Variants in ANK2 observed in about 807,000 individuals in gnomAD.
ANK2 encodes ankyrin 2.
A neutral mutation model predicts 360.5 loss-of-function variants in ANK2; 83 were observed. That is an observed-to-expected ratio of 0.23 (90% CI 0.19 to 0.28). The LOEUF is 0.28. ANK2 is among the 10% of genes least tolerant of loss of function. The pLI, the probability that ANK2 is intolerant of heterozygous loss-of-function variation, is 1.00. For synonymous variants in ANK2, 1,740 were observed against 1,759.5 expected, an observed-to-expected ratio of 0.99 and a Z score of 0.28; for missense variants, 4,201 against 4,795.7, an observed-to-expected ratio of 0.88 and a Z score of 3.66.
rs180930664 is a variant in ANK2, at chr4:113,268,528, C to A, written c.1485+3533C>A. 3.4e-3 allele frequency among the ~76,000 whole-genome samples: 522 copies of A among 152,234 alleles called. 4 individuals are homozygous for A. Among genetic ancestry groups the A allele is most frequent in the African/African-American group, 0.012 (491 of 41,534 alleles). The stretch of plus-strand genomic sequence containing the variant: ...TATCGTGTAGTTTTTGTCATTGGTT[C>A]TGTTTATGTGATGGGTTACATTTAT... On this transcript the variant is annotated intron_variant, in intron 14 of 45. Coordinates refer to ENST00000357077, the MANE Select transcript of ANK2 (RefSeq NM_001148.6).
chr4:112,940,229 C>T (rs1293328314), intron 2 of ANK2, among the ~76,000 whole-genome samples: 2 of 152,094 alleles, frequency 1.3e-5, no homozygotes, highest in African/African-American at 4.8e-5. Context: ...TATTTATTTG[C>T]CTAGTAGGCC....
intron 1 of ANK2, among the ~76,000 whole-genome samples, chr4:112,844,746 G>T (rs536614581): frequency 1.3e-5 from 2 of 152,302 alleles, no homozygotes; most frequent in African/African-American, 4.8e-5. Context: ...TGCATCTGTA[G>T]GGGGAGGACA....
upstream of ANK2, among the ~76,000 whole-genome samples, chr4:112,814,843 A>G (rs1550952): frequency 0.58 from 88,809 of 151,884 alleles, 26,920 homozygotes; most frequent in East Asian, 0.93. Flanking sequence ...ACAATTTGTC[A>G]GTGAGGCCAC....
At chr4:113,078,539 C>G (rs1050580653) in intron 1 of ANK2, among the ~76,000 whole-genome samples, 1 of 152,124 alleles carries the variant, frequency 6.6e-6, no homozygotes, top group African/African-American at 2.4e-5. Flanking sequence ...CAAAATTAAC[C>G]TGAAATCTCA....
At position 113,168,167 on chromosome 4, in the gene ANK2, T is replaced by A. The variant is rs548497729; in HGVS notation, c.85-6249T>A. On this transcript the variant is annotated intron_variant, in intron 1 of 45. Coordinates refer to ENST00000357077, the MANE Select transcript of ANK2 (RefSeq NM_001148.6). ...TAGCTAGTGTGCTAGCAAAAATTAGTGTTAAAATGTAATACTAAGTTAAAG... is the reference window on the plus strand; with the variant it reads ...TAGCTAGTGTGCTAGCAAAAATTAGAGTTAAAATGTAATACTAAGTTAAAG... Among the ~76,000 whole-genome samples the A allele has an allele frequency of 7.9e-5, 12 of 152,286 alleles. No individual in the cohort carries two copies. In the South Asian group the frequency reaches 2.1e-3, roughly 26 times the overall value.
intron 1 of ANK2, among the ~76,000 whole-genome samples, chr4:112,824,135 G>A (rs2057822932): frequency 7.7e-6 from 1 of 130,028 alleles, no homozygotes; most frequent in Non-Finnish European, 1.6e-5. Flanking sequence ...TAGGTCTTCA[G>A]CATCTATCTA....
At chr4:112,826,031 T>C (rs2058342509) in intron 1 of ANK2, among the ~76,000 whole-genome samples, 1 of 152,218 alleles carries the variant, frequency 6.6e-6, no homozygotes, top group Admixed American at 6.5e-5. Flanking sequence ...ACTTTTCTGC[T>C]TCTACTGCTT....
intron 1 of ANK2, among the ~76,000 whole-genome samples, chr4:112,857,519 A>G (rs935007092): frequency 1.3e-5 from 2 of 152,186 alleles, no homozygotes; most frequent in Admixed American, 6.5e-5. Context: ...ATTTTCTTGT[A>G]TATCATGTTT....
At chr4:112,941,625 A>G (rs1474908892) in intron 2 of ANK2, among the ~76,000 whole-genome samples, 1 of 145,408 alleles carries the variant, frequency 6.9e-6, no homozygotes, top group Non-Finnish European at 1.5e-5. Context: ...AAATATGTAA[A>G]TGTAAATATA....
chr4:112,993,303 T>C (rs1232278627), intron 2 of ANK2, among the ~76,000 whole-genome samples: 1 of 151,928 alleles, frequency 6.6e-6, no homozygotes, highest in African/African-American at 2.4e-5. Context: ...ATTTAGTGTA[T>C]ACCTTCCTTT....
chr4:113,046,851 T>C (rs1024741613), upstream of ANK2, among the ~76,000 whole-genome samples: 2 of 152,188 alleles, frequency 1.3e-5, no homozygotes, highest in Non-Finnish European at 2.9e-5. Flanking sequence ...AGAGGAGGCA[T>C]TGTTACAAAG....
chr4:113,324,084 G>A (rs932645658), intron 26 of ANK2, among the ~76,000 whole-genome samples: 5 of 152,270 alleles, frequency 3.3e-5, no homozygotes, highest in Admixed American at 6.5e-5. Flanking sequence ...CTTCTTTTGT[G>A]AGAAAAAGTG....
At chr4:113,195,380 G>A (rs1433392181) in intron 2 of ANK2, among the ~76,000 whole-genome samples, 1 of 151,902 alleles carries the variant, frequency 6.6e-6, no homozygotes, top group African/African-American at 2.4e-5. Flanking sequence ...GTCATTCTTA[G>A]ATAAGTACTC....
chr4:113,376,494 C>T (rs762813356), intron 45 of ANK2, among the ~76,000 whole-genome samples: 21 of 152,246 alleles, frequency 1.4e-4, no homozygotes, highest in Non-Finnish European at 1.5e-4. Context: ...AAGCCTAGGA[C>T]GTTATTATAC....
At chr4:112,864,114 T>G (rs1682603955) in intron 1 of ANK2, among the ~76,000 whole-genome samples, 1 of 152,230 alleles carries the variant, frequency 6.6e-6, no homozygotes, top group South Asian at 2.1e-4. Context: ...GCCAAAAATT[T>G]TTTGTAGAAG....
At chr4:113,204,709 G>A (rs896945433) in intron 4 of ANK2, among the ~76,000 whole-genome samples, 14 of 151,988 alleles carry the variant, frequency 9.2e-5, no homozygotes, top group African/African-American at 3.4e-4. Flanking sequence ...ATAATCCTAG[G>A]CATACCTCAG....
At chr4:113,128,911 A>G (rs4833420) in intron 1 of ANK2, among the ~76,000 whole-genome samples, 29,285 of 152,200 alleles carry the variant, frequency 0.19, 3,564 homozygotes, top group East Asian at 0.51. Context: ...ATACTTCAGT[A>G]GCAATGAGCA....
the ANK2 span, among the ~76,000 whole-genome samples, chr4:112,732,733 AC>A: frequency 6.6e-6 from 1 of 152,204 alleles, no homozygotes; most frequent in Non-Finnish European, 1.5e-5. Flanking sequence ...CCAACACCAA[AC>A]AATGTGGTCT....
intron 18 of ANK2, among the ~76,000 whole-genome samples, chr4:113,283,154 G>A (rs1451913085): frequency 6.6e-6 from 1 of 152,156 alleles, no homozygotes; most frequent in African/African-American, 2.4e-5. Flanking sequence ...GCTTTTCTCT[G>A]TGTGTCTAAA....
Sources: allele counts gnomAD v4.1 joint callset (sites outside exome capture counted in the v4.1 genomes callset), GRCh38; gene constraint gnomAD v4.1.1; transcripts MANE v1.5; gene names NCBI Gene and HGNC (gene_info 2026-07-23, HGNC 2026-07-21).